FUT9: variants seen among roughly 807,000 people sequenced by gnomAD.
FUT9 encodes the protein fucosyltransferase 9.
In FUT9, 15 loss-of-function variants were observed where a neutral mutation model predicts 29.7. The ratio of observed to expected loss-of-function variants is 0.51; its 90% CI spans 0.34 to 0.78. The LOEUF is 0.78. FUT9 is among the 30% of genes least tolerant of loss of function. FUT9 has a pLI of 0.01. For synonymous variants in FUT9, 169 were observed against 153.7 expected (o/e 1.10, Z -0.74); for missense variants, 319 against 425.4 (o/e 0.75, Z 2.20).
intron 2 of FUT9, among the ~76,000 whole-genome samples, chr6:96,133,643 A>C (rs148244870): frequency 1.3e-5 from 2 of 152,030 alleles, no homozygotes; most frequent in East Asian, 1.9e-4. Flanking sequence ...CATACATTGA[A>C]CTTACTGCCA....
intron 1 of FUT9, among the ~76,000 whole-genome samples, chr6:96,029,396 A>G (rs1440992488): frequency 6.6e-6 from 1 of 151,526 alleles, no homozygotes; most frequent in East Asian, 1.9e-4. Flanking sequence ...TCTTGGTAAT[A>G]CAGGTGCAGA....
chr6:96,072,399 G>GCATCA (rs1294761205), intron 1 of FUT9, among the ~76,000 whole-genome samples: 6 of 152,096 alleles, frequency 3.9e-5, no homozygotes, highest in African/African-American at 1.4e-4. Flanking sequence ...ATTATTCTCT[G>GCATCA]CATCACTTTG....
chr6:96,028,797 G>A (rs1041366726), intron 1 of FUT9, among the ~76,000 whole-genome samples: 1 of 151,480 alleles, frequency 6.6e-6, no homozygotes, highest in South Asian at 2.1e-4. Flanking sequence ...TAATGAGCAC[G>A]GAAGAGCTAA....
At chr6:96,049,919 T>G (rs1309775078) in intron 1 of FUT9, among the ~76,000 whole-genome samples, 1 of 152,176 alleles carries the variant, frequency 6.6e-6, no homozygotes, top group Non-Finnish European at 1.5e-5. Flanking sequence ...TGTCATTTAT[T>G]CCTCATAATC....
intron 2 of FUT9, among the ~76,000 whole-genome samples, chr6:96,194,076 A>G (rs2127989443): frequency 6.6e-6 from 1 of 152,300 alleles, no homozygotes; most frequent in African/African-American, 2.4e-5. Context: ...GAGGGGAGGG[A>G]TAGCATTAGG....
intron 2 of FUT9, among the ~76,000 whole-genome samples, chr6:96,135,371 C>T (rs1277183379): frequency 2.0e-5 from 3 of 151,778 alleles, no homozygotes; most frequent in African/African-American, 4.8e-5. Context: ...AGACAATGTC[C>T]TATTGGAATT....
At chr6:96,182,161 T>A (rs191304332) in intron 2 of FUT9, among the ~76,000 whole-genome samples, 29 of 152,268 alleles carry the variant, frequency 1.9e-4, no homozygotes, top group Admixed American at 8.5e-4. Flanking sequence ...TTGATTTGCA[T>A]TTCCTTGATT....
intron 1 of FUT9, among the ~76,000 whole-genome samples, chr6:96,087,281 T>C (rs1231615949): frequency 6.6e-6 from 1 of 152,080 alleles, no homozygotes; most frequent in Non-Finnish European, 1.5e-5. Flanking sequence ...TTTTAACTTA[T>C]CATAGTCTAC....
rs1009556123 is a variant in FUT9, at chr6:96,198,345, T to G, written c.-8-4803T>G. 9.6e-5 allele frequency among the ~76,000 whole-genome samples: 14 copies of G among 145,564 alleles called. 1 individual carries two copies. The highest frequency in any genetic ancestry group is 7.7e-4 in the Admixed American group (11 of 14,238). ...ATGTGTTCTCATTGTTCAATTCCCA[T>G]CTATGAGTGAGAATATGCAGTGTTT... On this transcript the variant is annotated intron_variant, in intron 2 of 2. Transcript: ENST00000302103.
At position 96,196,689 on chromosome 6, in the gene FUT9, T is replaced by G. The variant is rs531764881; in HGVS notation, c.-8-6459T>G. On this transcript the variant is annotated intron_variant, in intron 2 of 2. Transcript: ENST00000302103. ...ATCACACCACTGCACTCCGGCCTGG[T>G]GACAGAGTGAGACTCCATCTCAAAA... 2.6e-5 allele frequency among the ~76,000 whole-genome samples: 4 copies of G among 152,136 alleles called. No homozygotes were observed. The East Asian group carries it at 7.7e-4, about 29-fold the overall frequency.
chr6:96,060,523 C>CT (rs1043960688), intron 1 of FUT9, among the ~76,000 whole-genome samples: 1 of 151,188 alleles, frequency 6.6e-6, no homozygotes, highest in African/African-American at 2.4e-5. Context: ...TTAAGCATAA[C>CT]TTTTTTCTTT....
At position 96,163,813 on chromosome 6, in the gene FUT9, T is replaced by A. The variant is rs567589881; in HGVS notation, c.-8-39335T>A. Among the ~76,000 whole-genome samples, 19 of 152,310 alleles carry A rather than the reference T, an allele frequency of 1.2e-4. 1 individual carries two copies. In the South Asian group the frequency reaches 3.3e-3, roughly 27 times the overall value. On this transcript the variant is annotated intron_variant, in intron 2 of 2. Coordinates refer to ENST00000302103, the MANE Select transcript of FUT9 (RefSeq NM_006581.4). ...AGCTAGGATTACAGGCACAAGCCAC[T>A]GTGCCCAGCTAAGCACTTTACATTT...
chr6:96,028,012 G>T (rs988259420), intron 1 of FUT9, among the ~76,000 whole-genome samples: 2 of 151,574 alleles, frequency 1.3e-5, no homozygotes, highest in African/African-American at 2.4e-5. Flanking sequence ...GGAATAAAAA[G>T]GTTGGAGTGA....
intron 2 of FUT9, among the ~76,000 whole-genome samples, chr6:96,165,455 C>G (rs1772998858): frequency 6.7e-6 from 1 of 149,134 alleles, no homozygotes; most frequent in Non-Finnish European, 1.5e-5. Flanking sequence ...AGAGTCGATT[C>G]ACAATAGTCT....
chr6:96,137,498 C>A (rs1278554747), intron 2 of FUT9, among the ~76,000 whole-genome samples: 2 of 151,934 alleles, frequency 1.3e-5, no homozygotes, highest in Non-Finnish European at 1.5e-5. Flanking sequence ...AACCTCCTCC[C>A]AAATAGTACA....
intron 2 of FUT9, among the ~76,000 whole-genome samples, chr6:96,151,413 T>A (rs1228790795): frequency 6.6e-6 from 1 of 152,224 alleles, no homozygotes; most frequent in Non-Finnish European, 1.5e-5. Flanking sequence ...TACTTGCCTT[T>A]CTTGTCCTTG....
intron 2 of FUT9, among the ~76,000 whole-genome samples, chr6:96,165,890 A>G (rs1159925654): frequency 4.6e-5 from 7 of 152,128 alleles, no homozygotes; most frequent in Admixed American, 4.6e-4. Flanking sequence ...TGCTGGGATT[A>G]CAGGTGTGAG....
At chr6:96,052,842 G>T (rs940732563) in intron 1 of FUT9, among the ~76,000 whole-genome samples, 1 of 151,994 alleles carries the variant, frequency 6.6e-6, no homozygotes, top group Non-Finnish European at 1.5e-5. Context: ...TCTTCATGAA[G>T]GTGGTGTGGA....
At chr6:96,127,543 T>C (rs1772156276) in intron 2 of FUT9, among the ~76,000 whole-genome samples, 1 of 152,196 alleles carries the variant, frequency 6.6e-6, no homozygotes, top group African/African-American at 2.4e-5. Flanking sequence ...TATCTTTGTT[T>C]AGTTATATAT....
Sources: allele counts gnomAD v4.1 joint callset (sites outside exome capture counted in the v4.1 genomes callset), GRCh38; gene constraint gnomAD v4.1.1; transcripts MANE v1.5; gene names NCBI Gene and HGNC (gene_info 2026-07-23, HGNC 2026-07-21).